The following UEVLD variants were observed in gnomAD, a reference collection of about 807,000 sequenced individuals.
The protein encoded by UEVLD is ubiquitin-conjugating enzyme E2 variant 3.
A neutral mutation model predicts 58.6 loss-of-function variants in UEVLD; 47 were observed. The observed-to-expected ratio is 0.80, with a 90% CI of 0.63 to 1.02. UEVLD has a LOEUF of 1.02. Ranked by LOEUF, UEVLD falls within the 50% of genes least tolerant of loss-of-function variation. The pLI is 0.00. For missense variants in UEVLD, 510 were observed against 550.6 expected (o/e 0.93, Z 0.74); for synonymous variants, 197 against 195.3 (o/e 1.01, Z -0.07).
chr11:18,560,339 G>C (rs535496629), intron 6 of UEVLD, among the ~76,000 whole-genome samples: 10 of 151,924 alleles, frequency 6.6e-5, no homozygotes, highest in Non-Finnish European at 1.5e-4. Flanking sequence ...AAAACTATGA[G>C]TTACCATTTT....
At chr11:18,572,496 C>T (rs1852675032) in intron 3 of UEVLD, among the ~76,000 whole-genome samples, 1 of 151,938 alleles carries the variant, frequency 6.6e-6, no homozygotes, top group Non-Finnish European at 1.5e-5. Context: ...AACTAGTTAA[C>T]TAAAAGAGAG....
At chr11:18,543,110 C>G (rs1164956821) in intron 9 of UEVLD, among the ~76,000 whole-genome samples, 3 of 151,994 alleles carry the variant, frequency 2.0e-5, no homozygotes, top group African/African-American at 4.8e-5. Flanking sequence ...CCAGGATGGT[C>G]TCGATCTCCT....
chr11:18,573,871 G>A (rs1324124039), intron 3 of UEVLD, among the ~76,000 whole-genome samples: 1 of 152,138 alleles, frequency 6.6e-6, no homozygotes, highest in East Asian at 1.9e-4. Context: ...TGTCTTTTGG[G>A]CAATGTATTC....
At chr11:18,569,424 AG>A (rs1250810482) in intron 4 of UEVLD, among the ~76,000 whole-genome samples, 1 of 152,224 alleles carries the variant, frequency 6.6e-6, no homozygotes, top group Non-Finnish European at 1.5e-5. Flanking sequence ...AGGCCAATTT[AG>A]TAATATATAA....
intron 7 of UEVLD, among the ~76,000 whole-genome samples, chr11:18,550,833 A>C (rs1851492392): frequency 6.6e-6 from 1 of 152,212 alleles, no homozygotes; most frequent in South Asian, 2.1e-4. Context: ...TAGGTGCCTA[A>C]GCCTAACCTG....
At chr11:18,546,825 G>A (rs1461262398) in intron 8 of UEVLD, 55 bp downstream of exon 8, 4 of 1,579,798 alleles carry the variant, frequency 2.5e-6, no homozygotes, top group Non-Finnish European at 3.4e-6. Flanking sequence ...TATCAGTAAT[G>A]GCAATTCTAC....
At chr11:18,576,363 G>A (rs995187193) in intron 2 of UEVLD, among the ~76,000 whole-genome samples, 3 of 151,678 alleles carry the variant, frequency 2.0e-5, no homozygotes, top group Non-Finnish European at 2.9e-5. Context: ...GACCAGCTTG[G>A]GCAACATGAT....
intron 9 of UEVLD, among the ~76,000 whole-genome samples, chr11:18,538,305 G>T (rs1042286634): frequency 6.1e-5 from 9 of 147,964 alleles, no homozygotes; most frequent in Non-Finnish European, 1.3e-4. Flanking sequence ...TGGAGACGGA[G>T]TCTCACTGTG....
At chr11:18,533,326 C>T (rs1850652295) in intron 11 of UEVLD, among the ~76,000 whole-genome samples, 1 of 151,490 alleles carries the variant, frequency 6.6e-6, no homozygotes, top group Non-Finnish European at 1.5e-5. Context: ...ATCCCCCAAC[C>T]GCAGCCTGTG....
At chr11:18,561,344 A>G (rs866632029) in intron 6 of UEVLD, among the ~76,000 whole-genome samples, 51 of 152,304 alleles carry the variant, frequency 3.3e-4, no homozygotes, top group African/African-American at 1.2e-3. Context: ...CTGTAATCCC[A>G]GCACTTTGGG....
intron 1 of UEVLD, among the ~76,000 whole-genome samples, chr11:18,582,856 GA>G (rs1257455753): frequency 6.6e-6 from 1 of 152,268 alleles, no homozygotes; most frequent in Admixed American, 6.5e-5. Flanking sequence ...TAGTAAGACT[GA>G]AAAATTGAGT....
At chr11:18,533,062 CT>C (rs530237376) in intron 11 of UEVLD, among the ~76,000 whole-genome samples, 126 of 133,876 alleles carry the variant, frequency 9.4e-4, no homozygotes, top group Middle Eastern at 3.8e-3. Context: ...CTTTTCTTTT[CT>C]TTTTTTTTTT....
intron 7 of UEVLD, among the ~76,000 whole-genome samples, chr11:18,547,941 G>C (rs1164842205): frequency 6.6e-6 from 1 of 152,086 alleles, no homozygotes; most frequent in East Asian, 1.9e-4. Context: ...TTAATAAAGA[G>C]ACAAGGTCTC....
intron 6 of UEVLD, chr11:18,564,061 T>C: frequency 6.0e-6 from 1 of 167,212 alleles, no homozygotes; most frequent in South Asian, 6.3e-5. Context: ...GTGAAAGAAA[T>C]AAAACTACAG....
intron 7 of UEVLD, among the ~76,000 whole-genome samples, chr11:18,555,440 T>C (rs1052656957): frequency 2.0e-5 from 3 of 149,778 alleles, no homozygotes; most frequent in African/African-American, 7.4e-5. Context: ...AAAAAAAAAT[T>C]AGTCAGATGT....
At chr11:18,577,553 A>C (rs1258622288) in intron 2 of UEVLD, among the ~76,000 whole-genome samples, 2 of 152,224 alleles carry the variant, frequency 1.3e-5, no homozygotes, top group Non-Finnish European at 2.9e-5. Context: ...TTGGGCCCTC[A>C]TGAATGAGAC....
intron 6 of UEVLD, among the ~76,000 whole-genome samples, chr11:18,560,138 C>CACACACACACACACAG (rs368897951): frequency 0.023 from 1,726 of 74,216 alleles, 119 homozygotes; most frequent in Middle Eastern, 0.032. Flanking sequence ...CACACACACA[C>CACACACACACACACAG]AGAGAGAGAA....
intron 3 of UEVLD, among the ~76,000 whole-genome samples, chr11:18,572,885 T>C (rs542327355): frequency 6.8e-4 from 104 of 152,050 alleles, no homozygotes; most frequent in Middle Eastern, 3.4e-3. Context: ...TGCCAGGCAC[T>C]ATGCCCAGAG....
chr11:18,581,172 A>AG (rs1853221164), intron 1 of UEVLD, among the ~76,000 whole-genome samples: 1 of 152,060 alleles, frequency 6.6e-6, no homozygotes, highest in Non-Finnish European at 1.5e-5. Context: ...CAAAAAAAAA[A>AG]AAAAAAAAGA....
Sources: gnomAD v4.1 joint callset for allele counts (sites outside exome capture counted in the v4.1 genomes callset) on GRCh38, gnomAD v4.1.1 for gene constraint, MANE v1.5 for transcripts, NCBI Gene and HGNC (gene_info 2026-07-23, HGNC 2026-07-21) for gene names.